The following MAML3 variants were observed in gnomAD, a reference collection of about 807,000 sequenced individuals.
MAML3 encodes mastermind-like protein 3.
MAML3 carries 27 observed loss-of-function variants against 101.9 expected under a neutral mutation model. That is an observed-to-expected ratio of 0.27 (90% CI 0.20 to 0.37). The LOEUF is 0.37. Among genes scored for constraint, MAML3 ranks in the 10% least tolerant of loss-of-function variants. The pLI is 1.00. For synonymous variants in MAML3, 501 were observed against 555.9 expected (o/e 0.90, Z 1.39); for missense variants, 1,316 against 1,444.9 (o/e 0.91, Z 1.45).
chr4:139,830,408 C>CTTTTT (rs1560807162), intron 2 of MAML3, among the ~76,000 whole-genome samples: 2 of 143,530 alleles, frequency 1.4e-5, no homozygotes, highest in African/African-American at 5.6e-5. Context: ...GCACGCTGTG[C>CTTTTT]TATTTTTTTT....
chr4:139,731,809 C>T (rs1264063594), intron 2 of MAML3, among the ~76,000 whole-genome samples: 1 of 152,172 alleles, frequency 6.6e-6, no homozygotes, highest in East Asian at 1.9e-4. Context: ...GGAGAATGTG[C>T]TCAAAGGCGA....
intron 1 of MAML3, among the ~76,000 whole-genome samples, chr4:140,054,720 C>T (rs1242749951): frequency 2.0e-5 from 3 of 152,178 alleles, no homozygotes; most frequent in South Asian, 4.1e-4. Flanking sequence ...TGTTTAATCT[C>T]GTCTCCTAAT....
At chr4:139,851,149 A>G (rs1368224397) in intron 2 of MAML3, among the ~76,000 whole-genome samples, 1 of 152,228 alleles carries the variant, frequency 6.6e-6, no homozygotes, top group Non-Finnish European at 1.5e-5. Context: ...TTATAATCTT[A>G]CAGCCTTCTT....
At chr4:139,772,776 A>G (rs1437687904) in intron 2 of MAML3, among the ~76,000 whole-genome samples, 1 of 152,076 alleles carries the variant, frequency 6.6e-6, no homozygotes, top group Non-Finnish European at 1.5e-5. Context: ...CTGGAAAGCC[A>G]CTTCTTAGGA....
At chr4:139,836,212 A>C (rs1731253357) in intron 2 of MAML3, among the ~76,000 whole-genome samples, 1 of 152,258 alleles carries the variant, frequency 6.6e-6, no homozygotes. Context: ...CAGACACATA[A>C]ATAAACAGGT....
At chr4:140,145,428 C>A (rs1261322279) in intron 1 of MAML3, among the ~76,000 whole-genome samples, 10 of 152,190 alleles carry the variant, frequency 6.6e-5, no homozygotes, top group East Asian at 5.8e-4. Context: ...TTAAAAGGTT[C>A]TACTTCAGCA....
intron 1 of MAML3, among the ~76,000 whole-genome samples, chr4:140,147,380 A>T (rs1729082488): frequency 6.6e-6 from 1 of 152,186 alleles, no homozygotes; most frequent in Admixed American, 6.5e-5. Context: ...CCAAAATGGT[A>T]TTGTATCTGA....
chr4:140,018,862 A>T (rs1453732429), intron 1 of MAML3, among the ~76,000 whole-genome samples: 2 of 152,158 alleles, frequency 1.3e-5, no homozygotes, highest in Non-Finnish European at 2.9e-5. Context: ...ACTTTTCATA[A>T]TTATAATTAA....
chr4:140,023,544 G>A lies in MAML3; in HGVS notation c.468+129316C>T, dbSNP rs191109957. Among the ~76,000 whole-genome samples the A allele has an allele frequency of 1.3e-4, 20 of 152,340 alleles. No individual in the cohort carries two copies. The East Asian group carries it at 3.7e-3, about 28-fold the overall frequency. On this transcript the variant is annotated intron_variant, in intron 1 of 4. Coordinates refer to ENST00000509479, the MANE Select transcript of MAML3 (RefSeq NM_018717.5). ...CATTGCAAAGGCTATTTGTCAGGGGGATATGTGGAGGGAGGAAATTTGCAG... is the reference window on the plus strand; with the variant it reads ...CATTGCAAAGGCTATTTGTCAGGGGAATATGTGGAGGGAGGAAATTTGCAG...
At position 139,832,094 on chromosome 4, in the gene MAML3, C is replaced by CTT. The variant is rs70943444; in HGVS notation, c.2079+57261_2079+57262dup. On this transcript the variant is annotated intron_variant, in intron 2 of 4. Transcript: ENST00000509479. ...AGGCGTGAGCCATCATGCCCAGCCC[C>CTT]TTTTTTTTTTTTTTTTTTTTTTTTT... Among the ~76,000 whole-genome samples, 118 of 64,682 alleles carry CTT rather than the reference C, an allele frequency of 1.8e-3. 1 individual carries two copies. The highest frequency in any genetic ancestry group is 5.3e-3 in the East Asian group (7 of 1,312). 42.4% of individuals were successfully genotyped at this position (64,682 alleles called of 152,430 possible).
At chr4:139,759,707 G>A (rs1455856415) in intron 2 of MAML3, among the ~76,000 whole-genome samples, 2 of 151,898 alleles carry the variant, frequency 1.3e-5, no homozygotes, top group Non-Finnish European at 2.9e-5. Context: ...AATATTTTTG[G>A]GAAAAGAAAA....
At chr4:140,116,072 T>A (rs1728511423) in intron 1 of MAML3, among the ~76,000 whole-genome samples, 1 of 152,218 alleles carries the variant, frequency 6.6e-6, no homozygotes, top group Non-Finnish European at 1.5e-5. Flanking sequence ...TATTTCATTG[T>A]TTCCCTTTTT....
At chr4:139,918,927 C>A (rs1382081484) in intron 1 of MAML3, among the ~76,000 whole-genome samples, 23 of 152,104 alleles carry the variant, frequency 1.5e-4, no homozygotes, top group Admixed American at 1.5e-3. Flanking sequence ...GATTGACCCC[C>A]AAGAAGCACA....
In MAML3 at chr4:139,719,751, G is replaced by T; in HGVS notation, c.2989C>A (p.Leu997Met). ...CCCTGTGGGAAGTGCTGCTTGGTCA[G>T]TCTCGGCTGCCCAGCTTGAAGAGGG... ...SYPLQAGQPR[L>M]TKQHFPQGLS... The change falls in exon 5 of 5, where the codon CTG becomes ATG. Residue 997 changes from leucine to methionine, a missense_variant. Transcript: ENST00000509479. 1 of 1,613,752 alleles carries T rather than the reference G, an allele frequency of 6.2e-7. No individual in the cohort carries two copies. The highest frequency in any genetic ancestry group is 8.5e-7 in the Non-Finnish European group (1 of 1,179,854).
chr4:139,933,036 A>G (rs1285400364), intron 1 of MAML3, among the ~76,000 whole-genome samples: 1 of 152,194 alleles, frequency 6.6e-6, no homozygotes, highest in Non-Finnish European at 1.5e-5. Context: ...GACACAGCAG[A>G]CAGACAGGCC....
chr4:140,103,310 T>C (rs1728282093), intron 1 of MAML3, among the ~76,000 whole-genome samples: 2 of 152,216 alleles, frequency 1.3e-5, no homozygotes, highest in Admixed American at 1.3e-4. Flanking sequence ...ACATGGTTTT[T>C]CTCCCTCTTT....
chr4:139,759,775 C>T (rs984476336), intron 2 of MAML3, among the ~76,000 whole-genome samples: 8 of 151,936 alleles, frequency 5.3e-5, no homozygotes, highest in African/African-American at 9.7e-5. Context: ...CTGTTAATAT[C>T]GAGAATGAAT....
intron 2 of MAML3, among the ~76,000 whole-genome samples, chr4:139,834,641 A>T (rs1271940974): frequency 1.3e-5 from 2 of 152,214 alleles, no homozygotes; most frequent in Non-Finnish European, 2.9e-5. Flanking sequence ...ACCCTCCCTC[A>T]CACACACCTG....
chr4:140,079,304 A>AT (rs956068185), intron 1 of MAML3, among the ~76,000 whole-genome samples: 7 of 152,152 alleles, frequency 4.6e-5, no homozygotes, highest in Non-Finnish European at 7.4e-5. Context: ...TTTAAAAAAA[A>AT]TTTTTTTAGA....
Sources: gnomAD v4.1 joint callset for allele counts (sites outside exome capture counted in the v4.1 genomes callset) on GRCh38, gnomAD v4.1.1 for gene constraint, MANE v1.5 for transcripts, NCBI Gene and HGNC (gene_info 2026-07-23, HGNC 2026-07-21) for gene names.